IGFBPL1: variants seen among roughly 807,000 people sequenced by gnomAD.
IGFBPL1 encodes insulin-like growth factor-binding protein-like 1.
Under a neutral mutation model 23.9 loss-of-function variants are expected in IGFBPL1, and 20 were observed. That is an observed-to-expected ratio of 0.84 (90% CI 0.59 to 1.22). IGFBPL1 has a LOEUF of 1.22. IGFBPL1 is among the 50% of genes most tolerant of loss of function. The pLI is 0.00. For synonymous variants in IGFBPL1, 184 were observed against 171.8 expected (o/e 1.07, Z -0.56); for missense variants, 436 against 379.3 (o/e 1.15, Z -1.24).
In IGFBPL1 at chr9:38,412,179, C is replaced by T. The variant is rs543043197; in HGVS notation, c.688-630G>A. On this transcript the variant is annotated intron_variant, in intron 3 of 4. Coordinates refer to ENST00000377694, the MANE Select transcript of IGFBPL1 (RefSeq NM_001007563.3). ...TTTTTGCTTTCTCGTTACAACCAAC[C>T]GCTTCCATCAATTACAAATCATCCT... is the stretch of plus-strand genomic sequence containing the variant. 5.3e-5 allele frequency among the ~76,000 whole-genome samples: 8 copies of T among 152,280 alleles called. 1 individual carries two copies. In the South Asian group the frequency reaches 1.7e-3, roughly 32 times the overall value.
Position 38,407,058 on chromosome 9 carries a change from C to T in IGFBPL1, c.*2169G>A, listed in dbSNP as rs918674822. ...CTAAGGGTCTGACCAACTCATCTCC[C>T]AACCATTCAAGACACAGGAGAATTA... On this transcript the variant is annotated 3_prime_UTR_variant, in exon 5 of 5. Transcript: ENST00000377694. Among the ~76,000 whole-genome samples, 2 of 151,564 alleles carry T rather than the reference C, an allele frequency of 1.3e-5. No homozygotes were observed. The highest frequency in any genetic ancestry group is 2.4e-5 in the African/African-American group (1 of 41,352).
chr9:38,414,282 G>T, intron 1 of IGFBPL1, 79 bp from the exon 2 acceptor site: 2 of 785,168 alleles, frequency 2.5e-6, no homozygotes, highest in Admixed American at 2.4e-5. Flanking sequence ...CCCTGCCGCG[G>T]AGAGCCCGCT....
At chr9:38,412,990 A>T (rs993295063) in intron 3 of IGFBPL1, among the ~76,000 whole-genome samples, 3 of 152,130 alleles carry the variant, frequency 2.0e-5, no homozygotes, top group Non-Finnish European at 4.4e-5. Context: ...CCACCTTGCC[A>T]TGTAACATCG....
chr9:38,424,356 G>A lies in IGFBPL1; in HGVS notation c.69C>T (p.Ser23=). ...LLLLPLLPPL[S]PSLGIRDVGG... ...CCACGTCGCGGATCCCAAGGCTCGG[G>A]GACAGCGGCGGCAGCAGCGGCAGCA... The change falls in exon 1 of 5, where the codon TCC becomes TCT. Residue 23 remains serine (S), a synonymous_variant. Coordinates refer to ENST00000377694, the MANE Select transcript of IGFBPL1 (RefSeq NM_001007563.3). 1 of 797,114 alleles carries A rather than the reference G, an allele frequency of 1.3e-6. No individual in the cohort carries two copies. The highest frequency in any genetic ancestry group is 1.9e-6 in the Non-Finnish European group (1 of 514,176). 49.4% of individuals were successfully genotyped at this position (797,114 alleles called of 1,614,324 possible).
intron 1 of IGFBPL1, among the ~76,000 whole-genome samples, chr9:38,414,700 C>T (rs928865581): frequency 7.9e-5 from 12 of 152,160 alleles, no homozygotes; most frequent in South Asian, 4.1e-4. Context: ...CAATCCCCTG[C>T]GGTCCATTCA....
At position 38,411,527 on chromosome 9, in the gene IGFBPL1, T is replaced by A; in HGVS notation, c.710A>T (p.Asp237Val). ...WILINPLRKE[D>V]EGVYQCHAAN... ...TGCATGGCACTGGTACACACCCTCA[T>A]CCTCCTTTCGCAGGGGGTTGATCTA... is the stretch of plus-strand genomic sequence containing the variant. Residue 237 changes from aspartate to valine, a missense_variant, in exon 4 of 5, where the codon GAT (aspartate) becomes GTT (valine). Transcript: ENST00000377694. 6.2e-7 allele frequency: 1 copy of A among 1,614,078 alleles called. No individual in the cohort carries two copies. Among genetic ancestry groups the A allele is most frequent in the Non-Finnish European group, 8.5e-7 (1 of 1,179,976 alleles).
chr9:38,423,872 C>T, intron 1 of IGFBPL1, 93 bp downstream of exon 1: 1 of 1,178,730 alleles, frequency 8.5e-7, no homozygotes, highest in Non-Finnish European at 1.1e-6. Flanking sequence ...CAGGCAGCGC[C>T]GTCCACCACT....
intron 3 of IGFBPL1, 149 bp downstream of exon 3, chr9:38,413,088 T>C: frequency 4.9e-6 from 3 of 618,388 alleles, no homozygotes; most frequent in East Asian, 5.8e-5. Context: ...TCCCAGCAGA[T>C]CTGAAACCTG....
chr9:38,411,491 A>G lies in IGFBPL1; in HGVS notation c.746T>C (p.Val249Ala). 1 of 1,613,944 alleles carries G rather than the reference A, an allele frequency of 6.2e-7. No individual in the cohort carries two copies. The highest frequency in any genetic ancestry group is 1.1e-5 in the South Asian group (1 of 91,082). ...TGTGCTGTGGGACTCAGCCTCTCCC[A>G]CCATGTTGGCTGCATGGCACTGGTA... ...GVYQCHAANM[V>A]GEAESHSTVT... The change falls in exon 4 of 5, where the codon GTG becomes GCG. Residue 249 changes from valine (V) to alanine (A), a missense_variant. Transcript: ENST00000377694.
At position 38,407,177 on chromosome 9, in the gene IGFBPL1, T is replaced by A. The variant is rs1164107728; in HGVS notation, c.*2050A>T. ...GAGGAGTGGATGTGAGCAGGTCCCC[T>A]GGCAGCTCCAAACCCCAGTAGACAA... On this transcript the variant is annotated 3_prime_UTR_variant, in exon 5 of 5. Coordinates refer to ENST00000377694, the MANE Select transcript of IGFBPL1 (RefSeq NM_001007563.3). Among the ~76,000 whole-genome samples the A allele has an allele frequency of 6.6e-6, 1 of 152,242 alleles. No individual in the cohort carries two copies. The highest frequency in any genetic ancestry group is 1.5e-5 in the Non-Finnish European group (1 of 68,040).
At chr9:38,422,798 G>A (rs1314556818) in intron 1 of IGFBPL1, among the ~76,000 whole-genome samples, 1 of 152,152 alleles carries the variant, frequency 6.6e-6, no homozygotes, top group African/African-American at 2.4e-5. Context: ...AACCCATTGC[G>A]TCTCCTGGAC....
chr9:38,414,033 TCACACACACACACA>T (rs3045140), intron 2 of IGFBPL1, 47 bp downstream of exon 2: 19 of 761,120 alleles, frequency 2.5e-5, no homozygotes, highest in Non-Finnish European at 3.9e-5. Flanking sequence ...TCCCTCTTTC[TCACACACACACACA>T]CACACACACA....
intron 2 of IGFBPL1, 130 bp from the exon 3 acceptor site, chr9:38,413,483 C>T (rs1335014807): frequency 3.2e-6 from 2 of 618,104 alleles, no homozygotes; most frequent in Admixed American, 2.7e-5. Flanking sequence ...CCTAGCACTG[C>T]TCATGCCTAT....
chr9:38,409,240 A>T (rs1225627687), intron 4 of IGFBPL1, 23 bp from the exon 5 acceptor site: 1 of 152,238 alleles, frequency 6.6e-6, no homozygotes, highest in Admixed American at 6.5e-5. Context: ...GGAGAGAAAG[A>T]ATTAGAGAAC....
intron 1 of IGFBPL1, among the ~76,000 whole-genome samples, chr9:38,414,582 T>G (rs1587414409): frequency 1.3e-5 from 2 of 152,252 alleles, no homozygotes; most frequent in South Asian, 4.1e-4. Flanking sequence ...GGGGCTGGTG[T>G]CACGCCACCA....
intron 3 of IGFBPL1, 45 bp downstream of exon 3, chr9:38,413,191 GT>G: frequency 1.7e-6 from 2 of 1,209,200 alleles, no homozygotes; most frequent in Non-Finnish European, 2.5e-6. Flanking sequence ...ATAAAGGATG[GT>G]TTATAATGGT....
chr9:38,420,429 A>G (rs1821663561), intron 1 of IGFBPL1, among the ~76,000 whole-genome samples: 1 of 152,252 alleles, frequency 6.6e-6, no homozygotes, highest in South Asian at 2.1e-4. Context: ...AACCTTGGGA[A>G]AAACAGGAAG....
Position 38,423,949 on chromosome 9 carries a change from C to T in IGFBPL1, c.460+16G>A. The T allele has an allele frequency of 3.6e-6, 5 of 1,372,934 alleles. No individual in the cohort carries two copies. The highest frequency in any genetic ancestry group is 4.7e-6 in the Non-Finnish European group (5 of 1,069,816). The allele number at this position is 1,372,934 out of a possible 1,614,324, so 85.0% of individuals were successfully genotyped here. A position where few individuals can be genotyped will look rare whatever the true frequency, so the allele number is the denominator to read the frequency against. ...TCCCTCCTTCTCTACCCACCCAATC[C>T]CCGACCCTGACTCACCGAACTCGCA... On this transcript the variant is annotated intron_variant, in intron 1 of 4. Transcript: ENST00000377694.
Position 38,407,543 on chromosome 9 carries a change from C to T in IGFBPL1, c.*1684G>A, listed in dbSNP as rs778329001. Among the ~76,000 whole-genome samples, 11 of 152,162 alleles carry T rather than the reference C, an allele frequency of 7.2e-5. No individual in the cohort carries two copies. The highest frequency in any genetic ancestry group is 2.1e-4 in the South Asian group (1 of 4,832). ...TCCAAAATGTAATGCACAATGTGAG[C>T]GGTGTGAAAGTGTGCCTTAAAAGTT... On this transcript the variant is annotated 3_prime_UTR_variant, in exon 5 of 5. Transcript: ENST00000377694.
Sources: allele counts gnomAD v4.1 joint callset (sites outside exome capture counted in the v4.1 genomes callset), GRCh38; gene constraint gnomAD v4.1.1; transcripts MANE v1.5; gene names NCBI Gene and HGNC (gene_info 2026-07-23, HGNC 2026-07-21).